LRP1B: variants seen among roughly 807,000 people sequenced by gnomAD.
LRP1B encodes the protein LDL receptor related protein 1B.
Under a neutral mutation model 556.6 loss-of-function variants are expected in LRP1B, and 217 were observed. That is an observed-to-expected ratio of 0.39 (90% CI 0.35 to 0.44). The LOEUF is 0.44. Ranked by LOEUF, LRP1B falls within the 20% of genes least tolerant of loss-of-function variation. The pLI is 1.00. For synonymous variants in LRP1B, 2,047 were observed against 1,865.8 expected, an observed-to-expected ratio of 1.10 and a Z score of -2.50; for missense variants, 5,053 against 5,620.8, an observed-to-expected ratio of 0.90 and a Z score of 3.23.
chr2:141,635,298 T>C (rs2105354988), intron 2 of LRP1B, among the ~76,000 whole-genome samples: 1 of 152,150 alleles, frequency 6.6e-6, no homozygotes, highest in Non-Finnish European at 1.5e-5. Flanking sequence ...TCACAAACCA[T>C]ACATCCTTAA....
At chr2:141,431,272 A>G (rs1680555225) in intron 3 of LRP1B, among the ~76,000 whole-genome samples, 1 of 152,014 alleles carries the variant, frequency 6.6e-6, no homozygotes, top group Non-Finnish European at 1.5e-5. Flanking sequence ...GGCAGAATAG[A>G]TGTGATGGCA....
At chr2:141,636,576 T>G (rs1689115152) in intron 2 of LRP1B, among the ~76,000 whole-genome samples, 1 of 152,122 alleles carries the variant, frequency 6.6e-6, no homozygotes, top group Admixed American at 6.6e-5. Flanking sequence ...TAATTCTAAC[T>G]GTAAAAATTT....
At chr2:141,924,384 C>T (rs1030202079) in intron 1 of LRP1B, among the ~76,000 whole-genome samples, 1 of 152,120 alleles carries the variant, frequency 6.6e-6, no homozygotes, top group Non-Finnish European at 1.5e-5. Context: ...GCCACCTCCA[C>T]CATTCCATAA....
chr2:140,701,055 A>T (rs977859808), intron 40 of LRP1B, among the ~76,000 whole-genome samples: 2 of 152,038 alleles, frequency 1.3e-5, no homozygotes, highest in African/African-American at 4.8e-5. Flanking sequence ...TAACCTCCTA[A>T]ATATGCTGAG....
At chr2:140,506,696 AAG>A in intron 53 of LRP1B, 98 bp downstream of exon 53, 2 of 1,265,568 alleles carry the variant, frequency 1.6e-6, no homozygotes, top group South Asian at 2.9e-5. Context: ...TGATGACACT[AAG>A]AAATGTGTTG....
intron 5 of LRP1B, among the ~76,000 whole-genome samples, chr2:141,239,669 T>A (rs1313814730): frequency 6.6e-6 from 1 of 152,064 alleles, no homozygotes; most frequent in African/African-American, 2.4e-5. Context: ...AGCGATTAGT[T>A]CTAGATTCAA....
intron 2 of LRP1B, among the ~76,000 whole-genome samples, chr2:141,613,387 C>A (rs895024627): frequency 2.0e-5 from 3 of 152,122 alleles, no homozygotes; most frequent in African/African-American, 7.2e-5. Context: ...GTATAAGAAA[C>A]CTGCACTTCC....
intron 2 of LRP1B, among the ~76,000 whole-genome samples, chr2:141,654,262 A>G (rs1434330761): frequency 6.6e-6 from 1 of 152,212 alleles, no homozygotes; most frequent in Admixed American, 6.5e-5. Flanking sequence ...TTGTATTGCA[A>G]TATAAACCAT....
At chr2:141,000,062 G>A (rs541933751) in intron 15 of LRP1B, among the ~76,000 whole-genome samples, 20 of 151,614 alleles carry the variant, frequency 1.3e-4, no homozygotes, top group Middle Eastern at 3.4e-3. Flanking sequence ...CTACAAGCGT[G>A]CACCACCATG....
At chr2:141,565,683 G>A (rs955964913) in intron 2 of LRP1B, among the ~76,000 whole-genome samples, 8 of 152,178 alleles carry the variant, frequency 5.3e-5, no homozygotes, top group Non-Finnish European at 8.8e-5. Flanking sequence ...ACGCATACGC[G>A]TATATGAAAT....
Position 140,994,022 on chromosome 2 carries a change from C to T in LRP1B, c.2617G>A (p.Gly873Arg), listed in dbSNP as rs573191575. ...CAGTTTACTGAATCCTCATCGCTTC[C>T]GTCTAGGCAGTCATCGTCGCCATCA... is the stretch of plus-strand genomic sequence containing the variant. ...KCDGDDDCLD[G>R]SDEDSVNCFN... Residue 873 changes from glycine to arginine, a missense_variant, in exon 16 of 91, where the codon GGA becomes AGA. Physicochemically the swap from Gly to Arg is moderately radical, Grantham distance 125 (BLOSUM62 -2). Around this residue, in one of 5 missense-constraint regions of LRP1B, gnomAD observed 3,619 missense variants for 3,931.9 expected, o/e 0.92. Coordinates refer to ENST00000389484, the MANE Select transcript of LRP1B (RefSeq NM_018557.3). 40 of 1,612,556 alleles carry T rather than the reference C, an allele frequency of 2.5e-5. No homozygotes were observed. Among genetic ancestry groups the T allele is most frequent in the Non-Finnish European group, 2.9e-5 (34 of 1,179,054 alleles).
intron 2 of LRP1B, among the ~76,000 whole-genome samples, chr2:141,573,684 C>A (rs1262640372): frequency 1.4e-5 from 2 of 141,090 alleles, no homozygotes; most frequent in Admixed American, 7.0e-5. Context: ...TGAAAAAAAT[C>A]AAAAAAATAG....
intron 43 of LRP1B, among the ~76,000 whole-genome samples, chr2:140,583,302 A>G (rs888017160): frequency 6.0e-5 from 9 of 150,614 alleles, no homozygotes; most frequent in African/African-American, 2.2e-4. Context: ...GGCCACCCAA[A>G]TAGCTGGGAT....
At chr2:140,662,030 C>T (rs1440251780) in intron 41 of LRP1B, among the ~76,000 whole-genome samples, 1 of 151,904 alleles carries the variant, frequency 6.6e-6, no homozygotes. Context: ...TTGGAAGTAA[C>T]TCTAACGAAC....
chr2:140,273,966 A>G (rs1682568496), intron 85 of LRP1B, among the ~76,000 whole-genome samples: 4 of 152,038 alleles, frequency 2.6e-5, no homozygotes, highest in Admixed American at 2.6e-4. Flanking sequence ...TCAGATTAAG[A>G]AAAAAGGATT....
At chr2:140,851,249 T>A (rs1573802782) in intron 28 of LRP1B, among the ~76,000 whole-genome samples, 1 of 152,172 alleles carries the variant, frequency 6.6e-6, no homozygotes, top group African/African-American at 2.4e-5. Flanking sequence ...TACCAAATGA[T>A]GCTAGAGTGA....
At chr2:141,517,026 A>ACAAC (rs1248369493) in intron 2 of LRP1B, among the ~76,000 whole-genome samples, 3 of 131,118 alleles carry the variant, frequency 2.3e-5, no homozygotes, top group Non-Finnish European at 5.1e-5. Context: ...AAAAAAAAAA[A>ACAAC]AAAAAAGTAA....
chr2:141,900,155 T>C (rs558191444), intron 1 of LRP1B, among the ~76,000 whole-genome samples: 2 of 152,232 alleles, frequency 1.3e-5, no homozygotes, highest in African/African-American at 4.8e-5. Flanking sequence ...ATTGTTAAAA[T>C]AGTGCTTCAA....
At chr2:141,297,324 G>T (rs1362139476) in intron 3 of LRP1B, among the ~76,000 whole-genome samples, 1 of 152,200 alleles carries the variant, frequency 6.6e-6, no homozygotes, top group East Asian at 1.9e-4. Flanking sequence ...TGGCGAGACT[G>T]CAGAGAAAAG....
Sources: allele counts gnomAD v4.1 joint callset (sites outside exome capture counted in the v4.1 genomes callset), GRCh38; gene constraint gnomAD v4.1.1; regional missense constraint gnomAD v4.1.1; transcripts MANE v1.5; gene names NCBI Gene and HGNC (gene_info 2026-07-23, HGNC 2026-07-21).